LGR4: variants seen among roughly 807,000 people sequenced by gnomAD.
LGR4 encodes leucine rich repeat containing G protein-coupled receptor 4, also known as leucine-rich repeat-containing G protein-coupled receptor 4.
LGR4 carries 44 observed loss-of-function variants against 84.8 expected under a neutral mutation model. The ratio of observed to expected loss-of-function variants is 0.52; its 90% CI spans 0.41 to 0.67. The LOEUF is 0.67. Among genes scored for constraint, LGR4 ranks in the 30% least tolerant of loss-of-function variants. LGR4 has a pLI of 0.00. For missense variants in LGR4, 1,032 were observed against 1,131.4 expected (o/e 0.91, Z 1.26); for synonymous variants, 429 against 434.3 (o/e 0.99, Z 0.15).
rs1862899958 is a variant in LGR4 at position 27,372,325 on chromosome 11, C to T, written c.1453G>A (p.Glu485Lys). ...GCDSYANLNT[E>K]DNSLQDHSVA... ...CTGTGGTCCTGGAGGCTGTTATCTT[C>T]TGTGTTTAAATTTGCATAAGAGTCA... The change falls in exon 16 of 18, where the codon GAA becomes AAA. Residue 485 changes from glutamate (E) to lysine (K), a missense_variant. By Grantham distance (56) the Glu-to-Lys change is moderately conservative. Coordinates refer to ENST00000379214, the MANE Select transcript of LGR4 (RefSeq NM_018490.5). The T allele has an allele frequency of 6.2e-7, 1 of 1,613,720 alleles. No individual in the cohort carries two copies. Among genetic ancestry groups the T allele is most frequent in the Non-Finnish European group, 8.5e-7 (1 of 1,179,660 alleles).
At position 27,368,361 on chromosome 11, in the gene LGR4, T is replaced by A; in HGVS notation, c.2362A>T (p.Ile788Leu). The change falls in exon 18 of 18, where the codon ATA (isoleucine) becomes TTA (leucine). Residue 788 changes from isoleucine (I) to leucine (L), a missense_variant. Ile to Leu is a conservative substitution (Grantham distance 5). Transcript: ENST00000379214. ...AGGCAAGCAGGCAATGGAAAAAATATCAGAGTAACAGACTTCATTATTTCG... is the reference window on the plus strand; with the variant it reads ...AGGCAAGCAGGCAATGGAAAAAATAACAGAGTAACAGACTTCATTATTTCG... ...SPEIMKSVTL[I>L]FFPLPACLNP... The A allele has an allele frequency of 6.2e-7, 1 of 1,614,120 alleles. No individual in the cohort carries two copies. Among genetic ancestry groups the A allele is most frequent in the Non-Finnish European group, 8.5e-7 (1 of 1,180,018 alleles).
chr11:27,464,339 G>A (rs992426387), intron 1 of LGR4, among the ~76,000 whole-genome samples: 2 of 152,136 alleles, frequency 1.3e-5, no homozygotes, highest in African/African-American at 4.8e-5. Context: ...TGATCCCTTA[G>A]GGAAATGGGA....
At chr11:27,447,417 C>G (rs1463450057) in intron 1 of LGR4, among the ~76,000 whole-genome samples, 1 of 152,092 alleles carries the variant, frequency 6.6e-6, no homozygotes, top group African/African-American at 2.4e-5. Flanking sequence ...GAACCTCCCA[C>G]CAGTGCCATG....
chr11:27,401,536 T>C (rs1333949836), intron 2 of LGR4, among the ~76,000 whole-genome samples: 2 of 152,158 alleles, frequency 1.3e-5, no homozygotes, highest in Non-Finnish European at 2.9e-5. Flanking sequence ...AAAATACAGC[T>C]AACGTCAACC....
rs150260738 is a variant in LGR4 at position 27,401,687 on chromosome 11, G to A, written c.258-9169C>T. Among the ~76,000 whole-genome samples, 382 of 152,222 alleles carry A rather than the reference G, an allele frequency of 2.5e-3. 1 individual carries two copies. The highest frequency in any genetic ancestry group is 3.9e-3 in the Non-Finnish European group (265 of 68,024). ...TAATCACAAACTTCAACAGAATTCC[G>A]TTTTTATATAGACTGATAAGGTTTC... is the stretch of plus-strand genomic sequence containing the variant. On this transcript the variant is annotated intron_variant, in intron 2 of 17. Coordinates refer to ENST00000379214, the MANE Select transcript of LGR4 (RefSeq NM_018490.5).
rs1864065528 is a variant in LGR4 at position 27,428,650 on chromosome 11, T to C, written c.186-15790A>G. Among the ~76,000 whole-genome samples the C allele has an allele frequency of 2.6e-5, 4 of 151,144 alleles. No individual in the cohort carries two copies. The South Asian group carries it at 8.3e-4, about 31-fold the overall frequency. On this transcript the variant is annotated intron_variant, in intron 1 of 17. Coordinates refer to ENST00000379214, the MANE Select transcript of LGR4 (RefSeq NM_018490.5). ...AGCACAAGGGACAGAAAGGTATAGATAGATAAGAGCCCCCTGAGGGGCAGA... is the reference window on the plus strand; with the variant it reads ...AGCACAAGGGACAGAAAGGTATAGACAGATAAGAGCCCCCTGAGGGGCAGA...
At chr11:27,375,308 A>AG (rs1013093018) in intron 13 of LGR4, among the ~76,000 whole-genome samples, 3 of 151,496 alleles carry the variant, frequency 2.0e-5, no homozygotes, top group South Asian at 4.2e-4. Context: ...AAAAAAAAAA[A>AG]AAAAAGAAAA....
chr11:27,381,887 A>G (rs1193170569), intron 7 of LGR4, among the ~76,000 whole-genome samples: 3 of 152,222 alleles, frequency 2.0e-5, no homozygotes, highest in Non-Finnish European at 4.4e-5. Context: ...TTCTACCTAG[A>G]AACAGCTGTC....
At chr11:27,403,776 G>C (rs1590366069) in intron 2 of LGR4, among the ~76,000 whole-genome samples, 1 of 152,132 alleles carries the variant, frequency 6.6e-6, no homozygotes, top group Non-Finnish European at 1.5e-5. Flanking sequence ...TTAAAAAACA[G>C]TATCCACTTA....
In LGR4 at chr11:27,380,521, G is replaced by A. The variant is rs145725237; in HGVS notation, c.902+119C>T. ...AAAAATAAGAACAATTATAAATTCT[G>A]CCCAAGGGAGAAAAAAATTTTAAAG... On this transcript the variant is annotated intron_variant, in intron 9 of 17. Transcript: ENST00000379214. 3.6e-4 allele frequency: 288 copies of A among 798,110 alleles called. 2 individuals carry two copies. In the East Asian group the frequency reaches 7.6e-3, roughly 21 times the overall value. 49.4% of individuals were successfully genotyped at this position (798,110 alleles called of 1,614,324 possible). A position where few individuals can be genotyped will look rare whatever the true frequency, so the allele number is the denominator to read the frequency against.
intron 1 of LGR4, among the ~76,000 whole-genome samples, chr11:27,450,620 C>T (rs1864466711): frequency 6.6e-6 from 1 of 152,094 alleles, no homozygotes; most frequent in South Asian, 2.1e-4. Flanking sequence ...GAAACCTCAT[C>T]TCTAATAAAA....
chr11:27,370,773 A>C (rs1215133939), intron 17 of LGR4, among the ~76,000 whole-genome samples: 3 of 152,166 alleles, frequency 2.0e-5, no homozygotes, highest in African/African-American at 7.2e-5. Flanking sequence ...TTCTTTATGT[A>C]CATTCTCTGG....
intron 13 of LGR4, among the ~76,000 whole-genome samples, chr11:27,374,410 C>T (rs546226538): frequency 6.6e-6 from 1 of 152,230 alleles, no homozygotes; most frequent in Non-Finnish European, 1.5e-5. Flanking sequence ...AAAATAAAAA[C>T]AGACTTCGTA....
At chr11:27,371,737 A>C (rs574855473) in intron 16 of LGR4, 39 bp from the exon 17 acceptor site, 19 of 1,452,502 alleles carry the variant, frequency 1.3e-5, no homozygotes, top group African/African-American at 2.8e-5. Context: ...TTAAAACCTT[A>C]TGCAACTCAA....
rs146252741 is a variant in LGR4, at chr11:27,381,261, A to T, written c.759-295T>A. On this transcript the variant is annotated intron_variant, in intron 7 of 17. Coordinates refer to ENST00000379214, the MANE Select transcript of LGR4 (RefSeq NM_018490.5). ...CATGAGAAACAGGTGTTCTAACCTC[A>T]AAATCTCTCTCACTGTAGCCTGTAT... 5.0e-4 allele frequency among the ~76,000 whole-genome samples: 76 copies of T among 152,344 alleles called. 1 individual carries two copies. Among genetic ancestry groups the T allele is most frequent in the African/African-American group, 1.8e-3 (76 of 41,586 alleles).
At chr11:27,428,346 C>G (rs1305075745) in intron 1 of LGR4, among the ~76,000 whole-genome samples, 1 of 152,066 alleles carries the variant, frequency 6.6e-6, no homozygotes, top group African/African-American at 2.4e-5. Flanking sequence ...ACCATGTTGG[C>G]CAGGCTGGTC....
At chr11:27,419,268 C>T (rs1488595073) in intron 1 of LGR4, among the ~76,000 whole-genome samples, 1 of 152,024 alleles carries the variant, frequency 6.6e-6, no homozygotes, top group African/African-American at 2.4e-5. Flanking sequence ...TGAACAGATA[C>T]TTCACCAAAT....
At chr11:27,456,071 T>C (rs1309279601) in intron 1 of LGR4, among the ~76,000 whole-genome samples, 1 of 152,154 alleles carries the variant, frequency 6.6e-6, no homozygotes, top group Non-Finnish European at 1.5e-5. Context: ...TGACTAAGAA[T>C]GCAACATAAG....
intron 1 of LGR4, among the ~76,000 whole-genome samples, chr11:27,461,923 G>A (rs7101589): frequency 0.086 from 11,186 of 129,388 alleles, 1,409 homozygotes; most frequent in African/African-American, 0.29. Flanking sequence ...TCCCCCTCCC[G>A]GATTCAGGCA....
Sources: gnomAD v4.1 joint callset for allele counts (sites outside exome capture counted in the v4.1 genomes callset) on GRCh38, gnomAD v4.1.1 for gene constraint, MANE v1.5 for transcripts, NCBI Gene and HGNC (gene_info 2026-07-23, HGNC 2026-07-21) for gene names.